The following ADARB2 variants were observed in gnomAD, a reference collection of about 807,000 sequenced individuals.
ADARB2 encodes the protein inactive double-stranded RNA-specific editase B2.
In ADARB2, 25 loss-of-function variants were observed where a neutral mutation model predicts 62.2. That is an observed-to-expected ratio of 0.40 (90% CI 0.29 to 0.56). The LOEUF is 0.56. ADARB2 is among the 20% of genes least tolerant of loss of function. The pLI is 0.43. For missense variants in ADARB2, 1,071 were observed against 1,077.4 expected (o/e 0.99, Z 0.08); for synonymous variants, 572 against 500.8 (o/e 1.14, Z -1.90).
chr10:1,553,951 C>A (rs1383877396), intron 1 of ADARB2, among the ~76,000 whole-genome samples: 2 of 152,206 alleles, frequency 1.3e-5, no homozygotes, highest in African/African-American at 2.4e-5. Context: ...GCAGAGGAGG[C>A]CTGTAAACCG....
At chr10:1,368,104 A>T (rs1004559290) in intron 2 of ADARB2, among the ~76,000 whole-genome samples, 4 of 152,188 alleles carry the variant, frequency 2.6e-5, no homozygotes, top group African/African-American at 9.6e-5. Context: ...CAGAGGCCAC[A>T]GCCCAGCGGT....
At position 1,568,305 on chromosome 10, in the gene ADARB2, G is replaced by A. The variant is rs375348744; in HGVS notation, c.100+168746C>T. 3.9e-5 allele frequency among the ~76,000 whole-genome samples: 6 copies of A among 152,228 alleles called. No individual in the cohort carries two copies. The South Asian group carries it at 6.2e-4, about 16-fold the overall frequency. The stretch of plus-strand genomic sequence containing the variant: ...GCCAGGAAACGCTCAGCGGGGAGGC[G>A]GAGGGAAGGAAGGGCTCCTGCACCA... On this transcript the variant is annotated intron_variant, in intron 1 of 9. Transcript: ENST00000381312.
intron 4 of ADARB2, among the ~76,000 whole-genome samples, chr10:1,251,642 G>T (rs902511759): frequency 6.6e-5 from 10 of 152,204 alleles, no homozygotes; most frequent in African/African-American, 2.4e-4. Context: ...TATAAACTTG[G>T]TGGGTGCTAT....
At chr10:1,508,077 G>A (rs531331958) in intron 1 of ADARB2, among the ~76,000 whole-genome samples, 4 of 152,282 alleles carry the variant, frequency 2.6e-5, no homozygotes, top group East Asian at 1.9e-4. Flanking sequence ...CGAGTGGTGC[G>A]TTCATCAGGA....
rs557101119 is a variant in ADARB2, at chr10:1,395,489, C to T, written c.101-16329G>A. ...CTCCTCCAGCCCTGATGACCGCAGC[C>T]TCATACTTGCTGTTACTGCCCAGCC... is the stretch of plus-strand genomic sequence containing the variant. On this transcript the variant is annotated intron_variant, in intron 1 of 9. Coordinates refer to ENST00000381312, the MANE Select transcript of ADARB2 (RefSeq NM_018702.4). Among the ~76,000 whole-genome samples, 382 of 152,322 alleles carry T rather than the reference C, an allele frequency of 2.5e-3. 1 individual carries two copies. The highest frequency in any genetic ancestry group is 8.9e-3 in the African/African-American group (369 of 41,580).
chr10:1,636,144 G>A (rs1346378895), intron 1 of ADARB2, among the ~76,000 whole-genome samples: 1 of 152,178 alleles, frequency 6.6e-6, no homozygotes, highest in Admixed American at 6.5e-5. Context: ...GCTCAACGGA[G>A]CGAGTTGAGG....
chr10:1,555,486 T>C (rs1344298557), intron 1 of ADARB2, among the ~76,000 whole-genome samples: 1 of 152,220 alleles, frequency 6.6e-6, no homozygotes, highest in African/African-American at 2.4e-5. Context: ...AGGGAACTCA[T>C]GTCCTGTGGT....
chr10:1,603,097 ATCAACACACACACCTAT>A (rs1481824820), intron 1 of ADARB2, among the ~76,000 whole-genome samples: 4 of 78,088 alleles, frequency 5.1e-5, no homozygotes, highest in Non-Finnish European at 1.0e-4. Flanking sequence ...ACATACACAC[ATCAACACACACACCTAT>A]ACACACACAC....
In ADARB2 at chr10:1,311,673, C is replaced by T. The variant is rs182229253; in HGVS notation, c.1078-40604G>A. On this transcript the variant is annotated intron_variant, in intron 3 of 9. Transcript: ENST00000381312. ...AAGCCTGCAAAGCTCCTCAACCCTC[C>T]CCTCAGCTCTGTCAGCCCTGGGTTC... 1.2e-3 allele frequency among the ~76,000 whole-genome samples: 183 copies of T among 152,312 alleles called. 1 individual carries two copies. The highest frequency in any genetic ancestry group is 0.011 in the Admixed American group (170 of 15,306).
chr10:1,350,824 G>T (rs1280654982), intron 3 of ADARB2, among the ~76,000 whole-genome samples: 2 of 152,036 alleles, frequency 1.3e-5, no homozygotes, highest in African/African-American at 4.8e-5. Flanking sequence ...CCCACAGCAG[G>T]ACTTAATTGT....
rs1836670703 is a variant in ADARB2 at position 1,181,208 on chromosome 10, T to C, written c.*1985A>G. 1 of 152,238 alleles carries C rather than the reference T, an allele frequency of 6.6e-6. No individual in the cohort carries two copies. The highest frequency in any genetic ancestry group is 2.4e-5 in the African/African-American group (1 of 41,460). The allele number at this position is 152,238 out of a possible 1,614,324, so 9.4% of individuals were successfully genotyped here. A position where few individuals can be genotyped will look rare whatever the true frequency, so the allele number is the denominator to read the frequency against. ...CAGGAGCTGGCCGTGCTCCCACGCATTCAGGGGAGCGCTCACTTCTGACTG... is the reference window on the plus strand; with the variant it reads ...CAGGAGCTGGCCGTGCTCCCACGCACTCAGGGGAGCGCTCACTTCTGACTG... On this transcript the variant is annotated 3_prime_UTR_variant, in exon 10 of 10. Transcript: ENST00000381312.
intron 1 of ADARB2, among the ~76,000 whole-genome samples, chr10:1,407,982 A>G (rs1015584336): frequency 6.6e-6 from 1 of 152,246 alleles, no homozygotes; most frequent in African/African-American, 2.4e-5. Flanking sequence ...ATACAATAAT[A>G]TTTAAAAAGG....
chr10:1,439,937 T>C (rs1830884066), intron 1 of ADARB2, among the ~76,000 whole-genome samples: 1 of 148,442 alleles, frequency 6.7e-6, no homozygotes, highest in Admixed American at 6.7e-5. Context: ...TCCTTCACTA[T>C]GGGGCTCCTG....
intron 7 of ADARB2, 108 bp from the exon 8 acceptor site, chr10:1,200,255 G>A: frequency 2.8e-6 from 4 of 1,451,742 alleles, no homozygotes; most frequent in Middle Eastern, 1.7e-4. Context: ...TCTTCCCATC[G>A]TGCGGACCTT....
chr10:1,278,549 G>A (rs964868511), intron 3 of ADARB2, among the ~76,000 whole-genome samples: 1 of 151,434 alleles, frequency 6.6e-6, no homozygotes, highest in Non-Finnish European at 1.5e-5. Flanking sequence ...AATTCGTTTA[G>A]GATGACGGCC....
chr10:1,285,133 T>C (rs1036639910), intron 3 of ADARB2, among the ~76,000 whole-genome samples: 3 of 141,062 alleles, frequency 2.1e-5, no homozygotes, highest in Non-Finnish European at 4.8e-5. Context: ...ATAAATTCTT[T>C]TTTATATATG....
intron 5 of ADARB2, among the ~76,000 whole-genome samples, chr10:1,234,209 G>T (rs750794575): frequency 6.6e-6 from 1 of 151,782 alleles, no homozygotes; most frequent in Non-Finnish European, 1.5e-5. Flanking sequence ...GGTTTGTCTT[G>T]AACTCCCAGC....
Position 1,580,047 on chromosome 10 carries a change from G to T in ADARB2, c.100+157004C>A, listed in dbSNP as rs1209410403. Among the ~76,000 whole-genome samples, 3 of 152,240 alleles carry T rather than the reference G, an allele frequency of 2.0e-5. No individual in the cohort carries two copies. In the South Asian group the frequency reaches 6.2e-4, roughly 32 times the overall value. ...TACAACTTGGACGAGGCAGACGAGCGAGTCACCAGTTGCTGAACAGTGCCC... is the reference window on the plus strand; with the variant it reads ...TACAACTTGGACGAGGCAGACGAGCTAGTCACCAGTTGCTGAACAGTGCCC... On this transcript the variant is annotated intron_variant, in intron 1 of 9. Transcript: ENST00000381312.
At position 1,323,267 on chromosome 10, in the gene ADARB2, A is replaced by G. The variant is rs551431878; in HGVS notation, c.1077+39761T>C. Among the ~76,000 whole-genome samples, 23 of 143,930 alleles carry G rather than the reference A, an allele frequency of 1.6e-4. No individual in the cohort carries two copies. The East Asian group carries it at 3.4e-3, about 21-fold the overall frequency. The allele number at this position is 143,930 out of a possible 152,430, so 94.4% of individuals were successfully genotyped here. On this transcript the variant is annotated intron_variant, in intron 3 of 9. Coordinates refer to ENST00000381312, the MANE Select transcript of ADARB2 (RefSeq NM_018702.4). Reference sequence around the variant, plus strand: ...TGAAATTGTAAAAAAAAAAAAAAAAAACACTGTTAGGATATGTATGACGAA... The same window carrying G: ...TGAAATTGTAAAAAAAAAAAAAAAAGACACTGTTAGGATATGTATGACGAA...
Sources: allele counts gnomAD v4.1 joint callset (sites outside exome capture counted in the v4.1 genomes callset), GRCh38; gene constraint gnomAD v4.1.1; transcripts MANE v1.5; gene names NCBI Gene and HGNC (gene_info 2026-07-23, HGNC 2026-07-21).